The following RANBP10 variants were observed in gnomAD, a reference collection of about 807,000 sequenced individuals.
RANBP10 encodes the protein RAN binding protein 10.
Under a neutral mutation model 72.8 loss-of-function variants are expected in RANBP10, and 24 were observed. The ratio of observed to expected loss-of-function variants is 0.33; its 90% CI spans 0.24 to 0.46. The LOEUF (loss-of-function observed/expected upper bound fraction) is 0.46, where lower values mean the gene tolerates loss of function less well. Ranked by LOEUF, RANBP10 falls within the 20% of genes least tolerant of loss-of-function variation. The pLI is 1.00. For missense variants in RANBP10, 679 were observed against 817.5 expected, an observed-to-expected ratio of 0.83 and a Z score of 2.07; for synonymous variants, 310 against 322.3, an observed-to-expected ratio of 0.96 and a Z score of 0.41.
chr16:67,786,981 G>A (rs2054928328), intron 2 of RANBP10, among the ~76,000 whole-genome samples: 1 of 152,082 alleles, frequency 6.6e-6, no homozygotes, highest in Non-Finnish European at 1.5e-5. Flanking sequence ...GCTCACACCT[G>A]TAATTCCAGC....
At chr16:67,789,956 G>A (rs1198963281) in intron 2 of RANBP10, among the ~76,000 whole-genome samples, 1 of 151,650 alleles carries the variant, frequency 6.6e-6, no homozygotes, top group African/African-American at 2.4e-5. Context: ...AATTGGCTGG[G>A]CGTGGTGGTG....
At chr16:67,779,137 G>A (rs2054766470) in intron 2 of RANBP10, among the ~76,000 whole-genome samples, 1 of 150,674 alleles carries the variant, frequency 6.6e-6, no homozygotes, top group East Asian at 2.0e-4. Context: ...GCTCATGCCT[G>A]TAATCCCAGC....
At chr16:67,785,314 T>C (rs1295741731) in intron 2 of RANBP10, among the ~76,000 whole-genome samples, 1 of 152,070 alleles carries the variant, frequency 6.6e-6, no homozygotes, top group Non-Finnish European at 1.5e-5. Flanking sequence ...ATAAAATTCT[T>C]AGAAGAAAGC....
chr16:67,751,854 T>C (rs767027562), intron 3 of RANBP10, among the ~76,000 whole-genome samples: 1 of 151,684 alleles, frequency 6.6e-6, no homozygotes, highest in Non-Finnish European at 1.5e-5. Flanking sequence ...AGGTGGAGAT[T>C]GCAGTGAGCT....
rs369309027 is a variant in RANBP10 at position 67,744,326 on chromosome 16, T to C, written c.530A>G (p.Asn177Ser). 27 of 1,613,940 alleles carry C rather than the reference T, an allele frequency of 1.7e-5. No homozygotes were observed. The highest frequency in any genetic ancestry group is 9.9e-5 in the South Asian group (9 of 91,072). The part of the protein sequence containing the change: ...DVIGCCVNLI[N>S]GTCFYTKNGH... ...ATTCTTGGTGTAGAAGCAGGTGCCA[T>C]TGATGAGGTTGACACAGCAGCCGAT... Residue 177 changes from asparagine to serine, a missense_variant, in exon 4 of 14, where the codon AAT (asparagine) becomes AGT (serine). By Grantham distance (46) the Asn-to-Ser change is conservative (BLOSUM62 1). Transcript: ENST00000317506.
chr16:67,744,155 T>C, intron 4 of RANBP10, 133 bp downstream of exon 4: 1 of 1,483,160 alleles, frequency 6.7e-7, no homozygotes, highest in Admixed American at 2.4e-5. Flanking sequence ...CTGAAAGGGC[T>C]CCAATGCCTG....
intron 6 of RANBP10, among the ~76,000 whole-genome samples, chr16:67,733,244 C>T (rs1014605581): frequency 2.0e-5 from 3 of 151,326 alleles, no homozygotes; most frequent in Non-Finnish European, 4.4e-5. Flanking sequence ...TGCATGCCTA[C>T]AGTCCCAGCT....
intron 3 of RANBP10, among the ~76,000 whole-genome samples, chr16:67,748,210 T>C (rs568887000): frequency 3.3e-5 from 5 of 151,770 alleles, no homozygotes; most frequent in South Asian, 4.2e-4. Flanking sequence ...TTGGAGAGAA[T>C]AGGTAGCTTA....
intron 2 of RANBP10, among the ~76,000 whole-genome samples, chr16:67,795,834 G>A (rs905793163): frequency 2.0e-5 from 3 of 150,862 alleles, no homozygotes; most frequent in Non-Finnish European, 1.5e-5. Context: ...CAGCCTGGGC[G>A]ACAGAGTGAG....
chr16:67,772,607 C>T (rs76947236), intron 2 of RANBP10, among the ~76,000 whole-genome samples: 1 of 152,276 alleles, frequency 6.6e-6, no homozygotes, highest in East Asian at 1.9e-4. Context: ...ATTACCTTCC[C>T]CGCATACATT....
At chr16:67,786,058 G>A (rs147161061) in intron 2 of RANBP10, among the ~76,000 whole-genome samples, 102 of 151,934 alleles carry the variant, frequency 6.7e-4, no homozygotes, top group African/African-American at 2.2e-3. Flanking sequence ...AGGCATGGTA[G>A]CTCACATCTG....
chr16:67,757,586 C>A (rs2054310944), intron 3 of RANBP10, among the ~76,000 whole-genome samples: 1 of 152,204 alleles, frequency 6.6e-6, no homozygotes, highest in Non-Finnish European at 1.5e-5. Flanking sequence ...AGCCATCACT[C>A]TCCAGAAATC....
chr16:67,805,596 C>A (rs1336099058), intron 1 of RANBP10, 57 bp from the exon 2 acceptor site: 2 of 1,442,444 alleles, frequency 1.4e-6, no homozygotes, highest in African/African-American at 2.8e-5. Context: ...ATGGAAGCCT[C>A]ATTTTTCTCT....
intron 1 of RANBP10, 81 bp from the exon 2 acceptor site, chr16:67,805,620 G>A: frequency 1.8e-6 from 2 of 1,133,630 alleles, no homozygotes; most frequent in Non-Finnish European, 2.6e-6. Flanking sequence ...ACTCCTCCAT[G>A]ACAACTCCAC....
intron 4 of RANBP10, among the ~76,000 whole-genome samples, chr16:67,741,480 C>T (rs1222147320): frequency 1.3e-5 from 2 of 152,210 alleles, no homozygotes; most frequent in Non-Finnish European, 2.9e-5. Context: ...GATAGCTGAA[C>T]TTGCTGATAA....
intron 2 of RANBP10, among the ~76,000 whole-genome samples, chr16:67,782,662 G>C (rs2143015563): frequency 6.6e-6 from 1 of 151,666 alleles, no homozygotes; most frequent in Non-Finnish European, 1.5e-5. Flanking sequence ...CTATATGTTG[G>C]CCAGGCTGGT....
At chr16:67,765,596 A>G (rs1196980762) in intron 3 of RANBP10, among the ~76,000 whole-genome samples, 2 of 152,020 alleles carry the variant, frequency 1.3e-5, no homozygotes, top group African/African-American at 2.4e-5. Flanking sequence ...CAGCACTTTG[A>G]GAGGCTGAGG....
intron 2 of RANBP10, among the ~76,000 whole-genome samples, chr16:67,785,850 C>A (rs1220947830): frequency 1.3e-5 from 2 of 151,212 alleles, no homozygotes; most frequent in Non-Finnish European, 2.9e-5. Flanking sequence ...AACGGTGAAA[C>A]CCCGTCTCTA....
chr16:67,798,534 T>C (rs766209235), intron 2 of RANBP10, among the ~76,000 whole-genome samples: 1 of 152,162 alleles, frequency 6.6e-6, no homozygotes, highest in African/African-American at 2.4e-5. Context: ...CCAGAGGAGA[T>C]GCTTGGGTAT....
Sources: gnomAD v4.1 joint callset for allele counts (sites outside exome capture counted in the v4.1 genomes callset) on GRCh38, gnomAD v4.1.1 for gene constraint, MANE v1.5 for transcripts, NCBI Gene and HGNC (gene_info 2026-07-23, HGNC 2026-07-21) for gene names.